KRABD3: variants seen among roughly 807,000 people sequenced by gnomAD.
The protein encoded by KRABD3 is KRAB domain containing 3, also known as KRAB domain-containing protein 3.
the KRABD3 span, chr7:149,720,807 CG>C: frequency 1.3e-5 from 21 of 1,556,946 alleles, no homozygotes; most frequent in South Asian, 5.9e-5. Context: ...CGCAGGGGTG[CG>C]GGGGGGTCAC....
the KRABD3 span, chr7:149,726,210 T>G: frequency 1.4e-6 from 1 of 702,826 alleles, no homozygotes; most frequent in Non-Finnish European, 2.3e-6. Context: ...GCGGGACTTA[T>G]CTTGGGTGGG....
At chr7:149,718,513 CTTT>C in the KRABD3 span, among the ~76,000 whole-genome samples, 2 of 81,970 alleles carry the variant, frequency 2.4e-5, no homozygotes, top group Non-Finnish European at 4.5e-5. Flanking sequence ...CACTGAAGGA[CTTT>C]TTTTTTTTTT....
At chr7:149,733,575 A>C in the KRABD3 span, 2 of 1,600,092 alleles carry the variant, frequency 1.2e-6, no homozygotes, top group Admixed American at 1.7e-5. Flanking sequence ...CATCTGCCCT[A>C]CTGGAGGCAG....
the KRABD3 span, chr7:149,731,714 G>T: frequency 6.2e-7 from 1 of 1,612,470 alleles, no homozygotes; most frequent in Non-Finnish European, 8.5e-7. Flanking sequence ...CTGGAGAAAA[G>T]GCCCAGGGTT....
chr7:149,733,594 C>A, the KRABD3 span: 1 of 1,597,264 alleles, frequency 6.3e-7, no homozygotes, highest in East Asian at 2.3e-5. Flanking sequence ...AGAAGGGACC[C>A]ACGAGGCCTA....
At chr7:149,728,726 G>A in the KRABD3 span, 6 of 1,579,156 alleles carry the variant, frequency 3.8e-6, no homozygotes, top group African/African-American at 8.1e-5. Context: ...CTCTGAGGAT[G>A]CCCTAGGCGC....
At chr7:149,728,627 A>T in the KRABD3 span, 1 of 1,613,526 alleles carries the variant, frequency 6.2e-7, no homozygotes, top group African/African-American at 1.3e-5. Context: ...AGCAGCAGAC[A>T]GGGGACCGAG....
the KRABD3 span, chr7:149,734,109 CCT>C: frequency 6.6e-7 from 1 of 1,523,178 alleles, no homozygotes; most frequent in South Asian, 1.3e-5. Flanking sequence ...GCGTGGAAGC[CCT>C]GTCACCCCAC....
chr7:149,723,989 C>A, the KRABD3 span: 1 of 1,295,214 alleles, frequency 7.7e-7, no homozygotes, highest in East Asian at 2.3e-5. Flanking sequence ...ACTCAGGCCC[C>A]CATATTGGCC....
At chr7:149,733,816 C>T in the KRABD3 span, 152 of 1,604,260 alleles carry the variant, frequency 9.5e-5, 1 homozygote, top group Non-Finnish European at 1.1e-4. Context: ...TCGCACATAC[C>T]GGGGGCCACC....
chr7:149,733,170 A>G, the KRABD3 span: 9 of 1,551,454 alleles, frequency 5.8e-6, no homozygotes, highest in South Asian at 9.8e-5. Context: ...GTCCTTACAA[A>G]CCAGGAACTC....
chr7:149,721,645 C>T, the KRABD3 span: 1 of 1,198,018 alleles, frequency 8.3e-7, no homozygotes, highest in Non-Finnish European at 1.2e-6. Flanking sequence ...GGACTCAGTT[C>T]CCCTGTTGTG....
chr7:149,720,269 C>A, the KRABD3 span: 1 of 958,422 alleles, frequency 1.0e-6, no homozygotes, highest in Non-Finnish European at 1.5e-6. Flanking sequence ...CACCCCTCAT[C>A]CCTCTGGGCT....
the KRABD3 span, among the ~76,000 whole-genome samples, chr7:149,727,004 A>G: frequency 6.6e-6 from 1 of 152,228 alleles, no homozygotes. Context: ...CAACTTAGGA[A>G]AACATACAGT....
the KRABD3 span, chr7:149,719,717 C>T: frequency 1.1e-4 from 168 of 1,568,296 alleles, no homozygotes; most frequent in Admixed American, 1.6e-4. This position sits in a 1 kb window ranked among gnomAD's most constrained non-coding sequence, Gnocchi z 5.6. Context: ...GCCTGGTGGG[C>T]GGTGGAAGGG....
chr7:149,725,973 C>T, the KRABD3 span: 1 of 1,609,342 alleles, frequency 6.2e-7, no homozygotes, highest in African/African-American at 1.3e-5. Context: ...CCGAGGAACC[C>T]CCACCAGCTT....
chr7:149,726,665 T>C, the KRABD3 span, among the ~76,000 whole-genome samples: 1 of 152,152 alleles, frequency 6.6e-6, no homozygotes, highest in South Asian at 2.1e-4. Flanking sequence ...CTCGAACTCC[T>C]GACCACAGGC....
the KRABD3 span, chr7:149,722,362 G>T: frequency 6.4e-7 from 1 of 1,561,962 alleles, no homozygotes; most frequent in Non-Finnish European, 8.7e-7. Flanking sequence ...CAGATCTGGT[G>T]TGATTTTCCA....
chr7:149,718,275 A>C, the KRABD3 span, among the ~76,000 whole-genome samples: 1 of 152,198 alleles, frequency 6.6e-6, no homozygotes. Flanking sequence ...TGCCCTGAGC[A>C]GATGAAACAA....
Sources: allele counts gnomAD v4.1 joint callset (sites outside exome capture counted in the v4.1 genomes callset), GRCh38; gene constraint gnomAD v4.1.1; non-coding constraint Gnocchi (gnomAD v3.1); transcripts MANE v1.5; gene names NCBI Gene and HGNC (gene_info 2026-07-23, HGNC 2026-07-21).